The following CCDC178 variants were observed in gnomAD, a reference collection of about 807,000 sequenced individuals.
CCDC178 encodes coiled-coil domain-containing protein 178.
Under a neutral mutation model 117.4 loss-of-function variants are expected in CCDC178, and 126 were observed. That is an observed-to-expected ratio of 1.07 (90% confidence interval 0.93 to 1.24). CCDC178 has a LOEUF of 1.24. CCDC178 is among the 50% of genes most tolerant of loss of function. The pLI, the probability that CCDC178 is intolerant of heterozygous loss-of-function variation, is 0.00. For synonymous variants in CCDC178, 283 were observed against 313.4 expected (o/e 0.90, Z 1.02); for missense variants, 1,030 against 986.9 (o/e 1.04, Z -0.59).
At chr18:33,389,425 A>G (rs1159684603) in intron 5 of CCDC178, 115 bp downstream of exon 5, 1 of 408,632 alleles carries the variant, frequency 2.4e-6, no homozygotes, top group Non-Finnish European at 4.3e-6. Flanking sequence ...TATGTTAACA[A>G]TTAACGATAT....
intron 20 of CCDC178, among the ~76,000 whole-genome samples, chr18:33,208,558 C>T (rs1390236538): frequency 1.3e-5 from 2 of 151,982 alleles, no homozygotes; most frequent in African/African-American, 4.8e-5. Context: ...GGTCATTCAA[C>T]ATTGAGTGCC....
At chr18:33,217,793 G>A (rs2059183805) in intron 18 of CCDC178, among the ~76,000 whole-genome samples, 1 of 151,794 alleles carries the variant, frequency 6.6e-6, no homozygotes, top group Non-Finnish European at 1.5e-5. Context: ...TGCAAACTTG[G>A]GTGACATGAC....
At chr18:33,098,699 T>C (rs532331427) in intron 20 of CCDC178, among the ~76,000 whole-genome samples, 112 of 152,182 alleles carry the variant, frequency 7.4e-4, no homozygotes, top group African/African-American at 2.6e-3. Context: ...TATTTATTGA[T>C]TGATTTTACT....
At chr18:32,942,897 ACTTT>A (rs981530383) in intron 22 of CCDC178, among the ~76,000 whole-genome samples, 2 of 152,132 alleles carry the variant, frequency 1.3e-5, no homozygotes, top group African/African-American at 4.8e-5. Context: ...GAAAATTGTT[ACTTT>A]GTCTTTTTTT....
At chr18:32,987,800 T>TAAA (rs1330951484) in intron 21 of CCDC178, among the ~76,000 whole-genome samples, 7 of 152,104 alleles carry the variant, frequency 4.6e-5, no homozygotes, top group African/African-American at 1.4e-4. Flanking sequence ...TGAGTAAAGT[T>TAAA]AAAAATAATA....
rs558558889 is a variant in CCDC178, at chr18:33,040,864, G to A, written c.2388+51897C>T. Among the ~76,000 whole-genome samples, 15 of 152,042 alleles carry A rather than the reference G, an allele frequency of 9.9e-5. No homozygotes were observed. The South Asian group carries it at 2.9e-3, about 29-fold the overall frequency. On this transcript the variant is annotated intron_variant, in intron 21 of 22. Transcript: ENST00000383096. Reference sequence around the variant, plus strand: ...GGCTTCTCCTACCCAGGAAATGATAGTTTGAAAATTTTGCAAAGAGAATAG... The same window carrying A: ...GGCTTCTCCTACCCAGGAAATGATAATTTGAAAATTTTGCAAAGAGAATAG...
chr18:33,164,048 A>C (rs994405266), intron 20 of CCDC178, among the ~76,000 whole-genome samples: 2 of 151,702 alleles, frequency 1.3e-5, no homozygotes, highest in Non-Finnish European at 2.9e-5. Flanking sequence ...CATAAGTCAA[A>C]TTTGCTTACA....
chr18:33,095,793 T>G (rs573157775), intron 20 of CCDC178, among the ~76,000 whole-genome samples: 200 of 151,894 alleles, frequency 1.3e-3, no homozygotes, highest in Non-Finnish European at 2.4e-3. Context: ...TACACACTTT[T>G]AAGTGTATAT....
chr18:33,187,384 C>A (rs979812106), intron 20 of CCDC178, among the ~76,000 whole-genome samples: 3 of 151,998 alleles, frequency 2.0e-5, no homozygotes, highest in Non-Finnish European at 2.9e-5. Flanking sequence ...TAGATGCAAC[C>A]CTTTCTCTCC....
rs76168577 is a variant in CCDC178 at position 33,284,610 on chromosome 18, C to T, written c.1176+8549G>A. On this transcript the variant is annotated intron_variant, in intron 12 of 22. Transcript: ENST00000383096. ...TTATCATAGTTCAATATCTTCTATTCGCTTGAGTATATTCTAAACTTTGAG... is the reference window on the plus strand; with the variant it reads ...TTATCATAGTTCAATATCTTCTATTTGCTTGAGTATATTCTAAACTTTGAG... Among the ~76,000 whole-genome samples, 554 of 152,142 alleles carry T rather than the reference C, an allele frequency of 3.6e-3. 4 individuals carry two copies. The highest frequency in any genetic ancestry group is 6.1e-3 in the Non-Finnish European group (412 of 68,000).
chr18:32,954,836 A>G (rs958989167), intron 22 of CCDC178, among the ~76,000 whole-genome samples: 21 of 152,274 alleles, frequency 1.4e-4, no homozygotes, highest in Middle Eastern at 3.4e-3. Context: ...ATGGTGTAAG[A>G]CAGTGTTTTG....
chr18:33,009,369 T>C (rs1308172723), intron 21 of CCDC178, among the ~76,000 whole-genome samples: 1 of 152,138 alleles, frequency 6.6e-6, no homozygotes, highest in Non-Finnish European at 1.5e-5. Context: ...TTTAGGTCTC[T>C]AAATAATATA....
intron 9 of CCDC178, among the ~76,000 whole-genome samples, chr18:33,338,098 A>G (rs1465558024): frequency 1.3e-5 from 2 of 152,218 alleles, no homozygotes; most frequent in Non-Finnish European, 2.9e-5. Flanking sequence ...TAAGGATATG[A>G]GTAGACAATT....
intron 20 of CCDC178, among the ~76,000 whole-genome samples, chr18:33,128,520 G>A (rs1273216293): frequency 6.6e-6 from 1 of 152,090 alleles, no homozygotes; most frequent in East Asian, 1.9e-4. Flanking sequence ...CCTGAATTTC[G>A]TGAGGTCTGA....
chr18:33,389,658 G>A (rs772678426), intron 4 of CCDC178, 29 bp from the exon 5 acceptor site: 34 of 1,183,376 alleles, frequency 2.9e-5, no homozygotes, highest in Non-Finnish European at 3.6e-5. Context: ...ACATATTTTA[G>A]TGAGTAGTTA....
In CCDC178 at chr18:33,317,314, C is replaced by T. The variant is rs1241758580; in HGVS notation, c.1022+6177G>A. Among the ~76,000 whole-genome samples, 8 of 151,958 alleles carry T rather than the reference C, an allele frequency of 5.3e-5. No individual in the cohort carries two copies. The East Asian group carries it at 7.8e-4, about 15-fold the overall frequency. Reference sequence around the variant, plus strand: ...TGGCCTTAAGAGCTGTGACATTCACCGTGAAGGCCTGTGGCTTCACTCCTG... The same window carrying T: ...TGGCCTTAAGAGCTGTGACATTCACTGTGAAGGCCTGTGGCTTCACTCCTG... On this transcript the variant is annotated intron_variant, in intron 11 of 22. Transcript: ENST00000383096.
intron 22 of CCDC178, among the ~76,000 whole-genome samples, chr18:32,945,584 G>A (rs1343832664): frequency 1.3e-5 from 2 of 152,126 alleles, no homozygotes; most frequent in Admixed American, 1.3e-4. Flanking sequence ...TTTCACTTTA[G>A]TAACTGTGTA....
intron 21 of CCDC178, among the ~76,000 whole-genome samples, chr18:32,979,284 T>C (rs1356058940): frequency 6.6e-6 from 1 of 151,686 alleles, no homozygotes; most frequent in Non-Finnish European, 1.5e-5. Context: ...GCCTCCCGAG[T>C]AGCTGGGATT....
chr18:33,226,054 G>T (rs1477575718), intron 16 of CCDC178, among the ~76,000 whole-genome samples: 1 of 152,056 alleles, frequency 6.6e-6, no homozygotes, highest in Non-Finnish European at 1.5e-5. Flanking sequence ...CCAGCTACTC[G>T]GGAGGCTGAG....
Sources: gnomAD v4.1 joint callset for allele counts (sites outside exome capture counted in the v4.1 genomes callset) on GRCh38, gnomAD v4.1.1 for gene constraint, MANE v1.5 for transcripts, NCBI Gene and HGNC (gene_info 2026-07-23, HGNC 2026-07-21) for gene names.